SLC5A11: variants seen among roughly 807,000 people sequenced by gnomAD.
SLC5A11 encodes the protein sodium/myo-inositol cotransporter 2.
A neutral mutation model predicts 69.8 loss-of-function variants in SLC5A11; 48 were observed. The ratio of observed to expected loss-of-function variants is 0.69; its 90% confidence interval spans 0.55 to 0.87. SLC5A11 has a LOEUF of 0.87. Ranked by LOEUF, SLC5A11 falls within the 40% of genes least tolerant of loss-of-function variation. The pLI, the probability that SLC5A11 is intolerant of heterozygous loss-of-function variation, is 0.00. For synonymous variants in SLC5A11, 319 were observed against 342.4 expected (o/e 0.93, Z 0.75); for missense variants, 784 against 866.1 (o/e 0.91, Z 1.19).
At chr16:24,907,923 T>TGGG in intron 12 of SLC5A11, 40 bp from the exon 14 acceptor site, 1 of 852,174 alleles carries the variant, frequency 1.2e-6, no homozygotes, top group Non-Finnish European at 1.8e-6. Context: ...GAGTAAATGT[T>TGGG]CAGATGATGC....
chr16:24,855,510 AG>A (rs2059490741), intron 1 of SLC5A11, among the ~76,000 whole-genome samples: 1 of 151,342 alleles, frequency 6.6e-6, no homozygotes, highest in African/African-American at 2.4e-5. Context: ...CTGAGGCAGG[AG>A]GATCTCTTGA....
chr16:24,908,595 C>CAAAAAAAAAA (rs764700253), intron 13 of SLC5A11, among the ~76,000 whole-genome samples: 1 of 70,608 alleles, frequency 1.4e-5, no homozygotes, highest in Non-Finnish European at 2.5e-5. Flanking sequence ...GAGACTGTCT[C>CAAAAAAAAAA]AAAAAAAAAA....
chr16:24,905,253 G>C (rs1414094427), intron 10 of SLC5A11, among the ~76,000 whole-genome samples: 1 of 119,210 alleles, frequency 8.4e-6, no homozygotes, highest in East Asian at 2.6e-4. Flanking sequence ...ATGGAACCCC[G>C]TCTCTACTAA....
chr16:24,868,008 G>A (rs1296687024), intron 3 of SLC5A11, among the ~76,000 whole-genome samples: 1 of 151,806 alleles, frequency 6.6e-6, no homozygotes, highest in African/African-American at 2.4e-5. Context: ...GTGGTGGCAT[G>A]TGCTTGTAAT....
chr16:24,870,121 G>A (rs574203563), intron 4 of SLC5A11, 116 bp downstream of exon 5: 64 of 700,442 alleles, frequency 9.1e-5, no homozygotes, highest in Non-Finnish European at 1.0e-4. Flanking sequence ...GGCCAGGCGC[G>A]GTGGCTCACG....
rs191087329 is a variant in SLC5A11 at position 24,901,106 on chromosome 16, C to T, written c.1006+2997C>T. Among the ~76,000 whole-genome samples the T allele has an allele frequency of 2.1e-3, 316 of 152,188 alleles. 1 individual carries two copies. Among genetic ancestry groups the T allele is most frequent in the African/African-American group, 7.4e-3 (307 of 41,526 alleles). On this transcript the variant is annotated intron_variant, in intron 10 of 15. Coordinates refer to ENST00000347898, the Ensembl canonical transcript of SLC5A11. The stretch of plus-strand genomic sequence containing the variant: ...TATGAGGTGTTTGAACTTGCATAAG[C>T]CATTTAATGTCTCTTTGCTTCGTTT...
intron 3 of SLC5A11, among the ~76,000 whole-genome samples, chr16:24,867,082 C>G (rs2046965776): frequency 6.6e-6 from 1 of 152,174 alleles, no homozygotes; most frequent in African/African-American, 2.4e-5. Context: ...AATACCTATT[C>G]ATCTTAAGTG....
At chr16:24,868,596 CAAAA>C (rs71156448) in intron 3 of SLC5A11, among the ~76,000 whole-genome samples, 2 of 123,930 alleles carry the variant, frequency 1.6e-5, no homozygotes, top group African/African-American at 3.1e-5. Flanking sequence ...GACTCCGCCT[CAAAA>C]AAAAAAAAAA....
intron 2 of SLC5A11, 118 bp from the exon 4 acceptor site, chr16:24,862,483 A>C: frequency 1.6e-6 from 1 of 613,438 alleles, no homozygotes. Flanking sequence ...AATATATTTG[A>C]TATCCGAATC....
chr16:24,869,715 C>T (rs1597071046), intron 3 of SLC5A11, among the ~76,000 whole-genome samples, 186 bp from the exon 5 acceptor site: 1 of 152,196 alleles, frequency 6.6e-6, no homozygotes, highest in African/African-American at 2.4e-5. Flanking sequence ...TGGGCTCTGA[C>T]CAAGTAAGAG....
At position 24,896,143 on chromosome 16, in the gene SLC5A11, C is replaced by A. The variant is rs138286435; in HGVS notation, c.871-1831C>A. 5.9e-3 allele frequency among the ~76,000 whole-genome samples: 884 copies of A among 150,732 alleles called. 8 individuals carry two copies. Among genetic ancestry groups the A allele is most frequent in the African/African-American group, 0.02 (817 of 40,924 alleles). ...CTGAGGCAGGAGGGTTGTTTGACAT[C>A]AGGAGTTGGAGACCAGCCTGGGCAA... is the stretch of plus-strand genomic sequence containing the variant. On this transcript the variant is annotated intron_variant, in intron 9 of 15. Transcript: ENST00000347898.
intron 1 of SLC5A11, among the ~76,000 whole-genome samples, chr16:24,854,967 G>GT (rs550136642): frequency 3.3e-5 from 5 of 151,922 alleles, no homozygotes; most frequent in Non-Finnish European, 7.4e-5. Flanking sequence ...GTGTGTGTGT[G>GT]TGTGTGTTTG....
At chr16:24,881,297 C>CT in intron 7 of SLC5A11, among the ~76,000 whole-genome samples, 1 of 150,570 alleles carries the variant, frequency 6.6e-6, no homozygotes, top group Non-Finnish European at 1.5e-5. Flanking sequence ...GTTTGTTTTT[C>CT]TTTTTTTGAG....
At chr16:24,879,659 C>T (rs572693442) in intron 7 of SLC5A11, among the ~76,000 whole-genome samples, 9 of 152,236 alleles carry the variant, frequency 5.9e-5, no homozygotes, top group South Asian at 2.1e-4. Flanking sequence ...ATCTCTTGAA[C>T]GCAGGAGGCA....
intron 7 of SLC5A11, among the ~76,000 whole-genome samples, chr16:24,879,314 G>A (rs553730448): frequency 6.6e-6 from 1 of 152,190 alleles, no homozygotes; most frequent in African/African-American, 2.4e-5. Context: ...ATTAGTCCAC[G>A]TAGTGAGCAT....
chr16:24,909,215 TG>T, intron 14 of SLC5A11, 119 bp downstream of exon 15: 1 of 1,037,568 alleles, frequency 9.6e-7, no homozygotes, highest in South Asian at 1.6e-5. Context: ...AGTCCAGGGT[TG>T]AGGTTCAGGG....
chr16:24,903,622 T>C (rs575744629), intron 10 of SLC5A11, among the ~76,000 whole-genome samples: 2 of 152,370 alleles, frequency 1.3e-5, no homozygotes, highest in African/African-American at 4.8e-5. Context: ...TGTGCCTGGC[T>C]TATTTCACTT....
chr16:24,906,995 C>A (rs773441545), intron 11 of SLC5A11, 30 bp from the exon 13 acceptor site: 2 of 1,606,952 alleles, frequency 1.2e-6, no homozygotes, highest in Non-Finnish European at 1.7e-6. Flanking sequence ...AGAAAAGGAC[C>A]GAGGCCCATG....
At chr16:24,850,195 A>G (rs8049498) in intron 1 of SLC5A11, among the ~76,000 whole-genome samples, 1 of 151,932 alleles carries the variant, frequency 6.6e-6, no homozygotes. Context: ...AGCGATCTTC[A>G]TGCCTTGACC....
Sources: gnomAD v4.1 joint callset for allele counts (sites outside exome capture counted in the v4.1 genomes callset) on GRCh38, gnomAD v4.1.1 for gene constraint, MANE v1.5 for transcripts, NCBI Gene and HGNC (gene_info 2026-07-23, HGNC 2026-07-21) for gene names.